The following RBM19 variants were observed in gnomAD, a reference collection of about 807,000 sequenced individuals.
The protein encoded by RBM19 is probable RNA-binding protein 19.
Under a neutral mutation model 116.8 loss-of-function variants are expected in RBM19, and 94 were observed. The observed-to-expected ratio is 0.80, with a 90% CI of 0.68 to 0.95. The LOEUF is 0.95. RBM19 is among the 40% of genes least tolerant of loss of function. RBM19 has a pLI of 0.00. For synonymous variants in RBM19, 475 were observed against 494.1 expected (o/e 0.96, Z 0.51); for missense variants, 1,161 against 1,220.7 (o/e 0.95, Z 0.73).
downstream of RBM19, among the ~76,000 whole-genome samples, chr12:113,821,396 CAGA>C (rs1202715231): frequency 6.6e-6 from 1 of 152,142 alleles, no homozygotes; most frequent in Non-Finnish European, 1.5e-5. Context: ...AAGGTTCAGC[CAGA>C]AGGAGCCATG....
chr12:113,952,843 C>A (rs571187927), intron 7 of RBM19, among the ~76,000 whole-genome samples: 3 of 152,126 alleles, frequency 2.0e-5, no homozygotes, highest in African/African-American at 7.2e-5. Flanking sequence ...TGTCACGATC[C>A]GCATTTCAAG....
chr12:113,861,516 A>ATGTGTGTGTG, intron 21 of RBM19, among the ~76,000 whole-genome samples: 1 of 74,190 alleles, frequency 1.3e-5, no homozygotes, highest in South Asian at 5.2e-4. Context: ...GTGTGTGTGA[A>ATGTGTGTGTG]GGAGAGAAGG....
chr12:113,946,608 G>T, intron 11 of RBM19, 133 bp from the exon 12 acceptor site: 1 of 1,237,572 alleles, frequency 8.1e-7, no homozygotes, highest in Non-Finnish European at 1.1e-6. Context: ...GTGGGAGGGA[G>T]GTCAGGTAGA....
chr12:113,835,033 C>T (rs912385284), intron 23 of RBM19, among the ~76,000 whole-genome samples: 2 of 152,106 alleles, frequency 1.3e-5, no homozygotes, highest in Non-Finnish European at 2.9e-5. Flanking sequence ...TTCAGACCAG[C>T]GGTGCTTCGA....
intron 9 of RBM19, among the ~76,000 whole-genome samples, chr12:113,949,744 C>T (rs73401044): frequency 0.027 from 4,047 of 152,272 alleles, 168 homozygotes; most frequent in African/African-American, 0.091. Flanking sequence ...TGTCACCCCT[C>T]GGTGAGGCCA....
intron 21 of RBM19, among the ~76,000 whole-genome samples, chr12:113,906,318 G>A (rs981424061): frequency 6.6e-6 from 1 of 152,176 alleles, no homozygotes; most frequent in African/African-American, 2.4e-5. Flanking sequence ...TAGCAAGTGC[G>A]GATCCCAGAA....
chr12:113,950,528 A>T (rs151049205), intron 8 of RBM19, among the ~76,000 whole-genome samples: 5 of 152,250 alleles, frequency 3.3e-5, no homozygotes, highest in African/African-American at 4.8e-5. Context: ...CGCTGGAAGC[A>T]CCTTCTCCAC....
chr12:113,965,290 A>AAC (rs1555248782), intron 1 of RBM19, among the ~76,000 whole-genome samples: 3 of 150,488 alleles, frequency 2.0e-5, no homozygotes, highest in East Asian at 3.9e-4. Context: ...TAAAAAAAAA[A>AAC]AACAAAAAAA....
intron 9 of RBM19, 75 bp downstream of exon 9, chr12:113,950,008 A>G: frequency 7.6e-7 from 1 of 1,316,678 alleles, no homozygotes; most frequent in Non-Finnish European, 1.1e-6. Flanking sequence ...GTGCTGGTAC[A>G]AGAACGTGTA....
chr12:113,913,501 C>G (rs1311748897), intron 21 of RBM19, among the ~76,000 whole-genome samples: 2 of 152,164 alleles, frequency 1.3e-5, no homozygotes, highest in African/African-American at 2.4e-5. Flanking sequence ...TCCCAGCTCA[C>G]CACACACCAC....
intron 21 of RBM19, among the ~76,000 whole-genome samples, chr12:113,860,358 A>C (rs540610004): frequency 1.3e-5 from 2 of 152,368 alleles, no homozygotes; most frequent in South Asian, 4.1e-4. Context: ...TGACAGACAC[A>C]GTCTCTCTTC....
chr12:113,893,052 G>A (rs1219563258), intron 21 of RBM19, among the ~76,000 whole-genome samples: 2 of 147,224 alleles, frequency 1.4e-5, no homozygotes, highest in South Asian at 2.1e-4. Flanking sequence ...TAATAAGAGA[G>A]ATGGGGTCTT....
intron 21 of RBM19, among the ~76,000 whole-genome samples, chr12:113,863,520 C>T (rs1010140744): frequency 7.2e-5 from 11 of 152,306 alleles, no homozygotes; most frequent in African/African-American, 1.4e-4. Context: ...CTTAACCCCA[C>T]AGCCTGCATG....
At chr12:113,890,116 C>T (rs1438191989) in intron 21 of RBM19, among the ~76,000 whole-genome samples, 2 of 152,180 alleles carry the variant, frequency 1.3e-5, no homozygotes, top group Admixed American at 6.5e-5. Context: ...CTCTCTCATT[C>T]CCCCCTCCCT....
Position 113,937,147 on chromosome 12 carries a change from A to G in RBM19, c.1939-11T>C. 3 of 1,613,906 alleles carry G rather than the reference A, an allele frequency of 1.9e-6. No homozygotes were observed. The highest frequency in any genetic ancestry group is 1.3e-5 in the African/African-American group (1 of 75,022). On this transcript the variant is annotated splice_polypyrimidine_tract_variant and intron_variant, in intron 15 of 23. Transcript: ENST00000261741. ...GGGGACATGATGGAACTGCAGAGACAAGAGTGATGGCCCTGTGGGTCTTCA... is the reference window on the plus strand; with the variant it reads ...GGGGACATGATGGAACTGCAGAGACGAGAGTGATGGCCCTGTGGGTCTTCA...
chr12:113,876,877 T>G (rs954299467), intron 21 of RBM19, among the ~76,000 whole-genome samples: 2 of 152,224 alleles, frequency 1.3e-5, no homozygotes, highest in Non-Finnish European at 2.9e-5. Flanking sequence ...GGATGAACTT[T>G]GGGATTACAT....
In RBM19 at chr12:113,955,867, G is replaced by A. The variant is rs550126052; in HGVS notation, c.841-656C>T. On this transcript the variant is annotated intron_variant, in intron 6 of 23. Transcript: ENST00000261741. The stretch of plus-strand genomic sequence containing the variant: ...ACCGTGGGGTGCTGCCTTTTATCCT[G>A]TATTTAGTAACAAGGTAGGCAGAGG... Among the ~76,000 whole-genome samples the A allele has an allele frequency of 2.0e-4, 31 of 152,302 alleles. No homozygotes were observed. In the South Asian group the frequency reaches 5.8e-3, roughly 28 times the overall value.
At chr12:113,886,790 G>C (rs528565131) in intron 21 of RBM19, among the ~76,000 whole-genome samples, 84 of 152,190 alleles carry the variant, frequency 5.5e-4, no homozygotes, top group Admixed American at 5.9e-4. Context: ...ACCTCCAAGA[G>C]AATCCATTAG....
At chr12:113,820,486 G>T (rs920229673), downstream of RBM19, among the ~76,000 whole-genome samples, 4 of 152,130 alleles carry the variant, frequency 2.6e-5, no homozygotes, top group Non-Finnish European at 5.9e-5. Context: ...GTCAGGTGAG[G>T]TGGGGCCTCG....
Sources: allele counts gnomAD v4.1 joint callset (sites outside exome capture counted in the v4.1 genomes callset), GRCh38; gene constraint gnomAD v4.1.1; transcripts MANE v1.5; gene names NCBI Gene and HGNC (gene_info 2026-07-23, HGNC 2026-07-21).